ITIH5: variants seen among roughly 807,000 people sequenced by gnomAD.
ITIH5 encodes the protein inter-alpha-trypsin inhibitor heavy chain H5.
Under a neutral mutation model 77.5 loss-of-function variants are expected in ITIH5, and 65 were observed. That is an observed-to-expected ratio of 0.84 (90% CI 0.69 to 1.03). The LOEUF is 1.03. Among genes scored for constraint, ITIH5 ranks in the 50% least tolerant of loss-of-function variants. The probability of loss-of-function intolerance (pLI) is 0.00; values close to 1 mark genes in which losing one functional copy is unlikely to be tolerated. For missense variants in ITIH5, 1,208 were observed against 1,213.1 expected (o/e 1.00, Z 0.06); for synonymous variants, 525 against 494.3 (o/e 1.06, Z -0.82).
rs1452757147 is a variant in ITIH5 at position 7,565,936 on chromosome 10, C to T, written c.2527+94G>A. On this transcript the variant is annotated intron_variant, in intron 13 of 13. Coordinates refer to ENST00000397146, the MANE Select transcript of ITIH5 (RefSeq NM_030569.7). ...TGAAAACCACATTCCTATTGAATTT[C>T]TCAATCAAACGAAAGGTGTTGGCAA... 2.9e-5 allele frequency: 44 copies of T among 1,494,200 alleles called. 1 individual carries two copies. The South Asian group carries it at 4.6e-4, about 16-fold the overall frequency. 92.6% of individuals were successfully genotyped at this position (1,494,200 alleles called of 1,614,324 possible). A position where few individuals can be genotyped will look rare whatever the true frequency, so the allele number is the denominator to read the frequency against.
At chr10:7,611,059 A>T (rs1434192487) in intron 7 of ITIH5, among the ~76,000 whole-genome samples, 6 of 152,248 alleles carry the variant, frequency 3.9e-5, no homozygotes, top group African/African-American at 1.4e-4. Flanking sequence ...TTGACCTTGT[A>T]TCCATTTGCA....
At position 7,586,029 on chromosome 10, in the gene ITIH5, G is replaced by C; in HGVS notation, c.980C>G (p.Pro327Arg). The C allele has an allele frequency of 6.2e-7, 1 of 1,613,904 alleles. No individual in the cohort carries two copies. Among genetic ancestry groups the C allele is most frequent in the South Asian group, 1.1e-5 (1 of 91,038 alleles). Residue 327 changes from proline to arginine, a missense_variant, in exon 8 of 14, where the codon CCC (proline) becomes CGC (arginine). Physicochemically the swap from Pro to Arg is moderately radical, Grantham distance 103. Coordinates refer to ENST00000397146, the MANE Select transcript of ITIH5 (RefSeq NM_030569.7). ...ALFTILHDLR[P>R]QDRFSIIGFS... Reference sequence around the variant, plus strand: ...TCCAATGATACTGAAACGGTCCTGGGGTCGGAGGTCATGGAGAATTGTGAA... The same window carrying C: ...TCCAATGATACTGAAACGGTCCTGGCGTCGGAGGTCATGGAGAATTGTGAA...
rs1047407 is a variant in ITIH5, at chr10:7,562,498, G to C, written c.*585C>G. The C allele has an allele frequency of 0.1, 15,854 of 152,504 alleles. 2,598 individuals are homozygous for C. The highest frequency in any genetic ancestry group is 0.35 in the African/African-American group (14,473 of 41,444). 9.4% of individuals were successfully genotyped at this position (152,504 alleles called of 1,614,324 possible). On this transcript the variant is annotated 3_prime_UTR_variant, in exon 14 of 14. Transcript: ENST00000397146. ...CAAGATACCACAGCAGAAGAAAAACGTCTTGCAAGAAAAGACTTCATGGTT... is the reference window on the plus strand; with the variant it reads ...CAAGATACCACAGCAGAAGAAAAACCTCTTGCAAGAAAAGACTTCATGGTT...
At chr10:7,647,404 C>G (rs1345341190) in intron 2 of ITIH5, among the ~76,000 whole-genome samples, 1 of 152,228 alleles carries the variant, frequency 6.6e-6, no homozygotes, top group South Asian at 2.1e-4. Context: ...GCACTGCCCC[C>G]TCCAGAGCAG....
chr10:7,576,478 G>T lies in ITIH5; in HGVS notation c.1953C>A (p.Ser651Arg). 6.2e-7 allele frequency: 1 copy of T among 1,605,230 alleles called. No homozygotes were observed. Among genetic ancestry groups the T allele is most frequent in the Non-Finnish European group, 8.5e-7 (1 of 1,178,478 alleles). ...AAMGPEPVVQ[S>R]VRGAGTQPGP... ...CTGGCTGCGTGCCAGCTCCTCGCAC[G>T]CTCTGCACCACCGGTTCGGGTCCCA... Residue 651 changes from serine to arginine, a missense_variant, in exon 10 of 14, where the codon AGC (serine) becomes AGA (arginine). Ser to Arg is a moderately radical substitution (Grantham distance 110). Transcript: ENST00000397146.
chr10:7,663,176 C>T (rs1351427362), intron 1 of ITIH5, among the ~76,000 whole-genome samples: 1 of 152,244 alleles, frequency 6.6e-6, no homozygotes, highest in Non-Finnish European at 1.5e-5. Context: ...GGCACACCTA[C>T]ACTCCAATCC....
chr10:7,597,705 A>G (rs1832934538), intron 7 of ITIH5, among the ~76,000 whole-genome samples: 1 of 152,210 alleles, frequency 6.6e-6, no homozygotes, highest in Non-Finnish European at 1.5e-5. Context: ...CAGAGTAGCC[A>G]TGACTTGCCA....
At chr10:7,639,430 G>A (rs1833848425) in intron 4 of ITIH5, among the ~76,000 whole-genome samples, 2 of 152,176 alleles carry the variant, frequency 1.3e-5, no homozygotes. Context: ...TCTGGACCTT[G>A]GTTGCTTTTC....
chr10:7,614,482 A>AT (rs931860103), intron 7 of ITIH5, among the ~76,000 whole-genome samples: 13 of 149,892 alleles, frequency 8.7e-5, no homozygotes, highest in East Asian at 1.9e-4. Context: ...TTTTTGCGTG[A>AT]TTTTTTTTTT....
At chr10:7,577,808 C>T (rs1252368201) in intron 9 of ITIH5, among the ~76,000 whole-genome samples, 1 of 152,132 alleles carries the variant, frequency 6.6e-6, no homozygotes, top group African/African-American at 2.4e-5. Flanking sequence ...CTTGAGTTTC[C>T]TTATCTAGAA....
chr10:7,562,401 G>T lies in ITIH5; in HGVS notation c.*682C>A, dbSNP rs545366475. On this transcript the variant is annotated 3_prime_UTR_variant, in exon 14 of 14. Coordinates refer to ENST00000397146, the MANE Select transcript of ITIH5 (RefSeq NM_030569.7). Reference sequence around the variant, plus strand: ...TGGTTTACAAAGCCCATTAGAAAGAGATCAGTATCTGAGCTGTAGATGTTT... The same window carrying T: ...TGGTTTACAAAGCCCATTAGAAAGATATCAGTATCTGAGCTGTAGATGTTT... The T allele has an allele frequency of 6.6e-6, 1 of 152,438 alleles. No homozygotes were observed. Among genetic ancestry groups the T allele is most frequent in the African/African-American group, 2.4e-5 (1 of 41,574 alleles). The allele number at this position is 152,438 out of a possible 1,614,324, so 9.4% of individuals were successfully genotyped here. A position where few individuals can be genotyped will look rare whatever the true frequency, so the allele number is the denominator to read the frequency against.
In ITIH5 at chr10:7,580,712, G is replaced by A. The variant is rs538646769; in HGVS notation, c.1109-648C>T. Among the ~76,000 whole-genome samples the A allele has an allele frequency of 1.1e-4, 16 of 152,308 alleles. No individual in the cohort carries two copies. The South Asian group carries it at 3.3e-3, about 32-fold the overall frequency. Reference sequence around the variant, plus strand: ...ATGTGGAGGGAGAAAGAGCCGCAGAGGGGAGGAGGGGCATGGAACGAAGAG... The same window carrying A: ...ATGTGGAGGGAGAAAGAGCCGCAGAAGGGAGGAGGGGCATGGAACGAAGAG... On this transcript the variant is annotated intron_variant, in intron 8 of 13. Transcript: ENST00000397146.
At chr10:7,633,752 A>G (rs146256425) in intron 5 of ITIH5, among the ~76,000 whole-genome samples, 6 of 152,292 alleles carry the variant, frequency 3.9e-5, no homozygotes, top group African/African-American at 1.4e-4. Context: ...TATCTAGCAC[A>G]CAGTAGTAAT....
intron 8 of ITIH5, among the ~76,000 whole-genome samples, chr10:7,584,057 A>G (rs1461506374): frequency 6.6e-6 from 1 of 152,174 alleles, no homozygotes; most frequent in Admixed American, 6.5e-5. Context: ...TGTTATCTTC[A>G]TTCTACAGAT....
intron 8 of ITIH5, among the ~76,000 whole-genome samples, chr10:7,584,824 G>A (rs747531891): frequency 1.1e-4 from 16 of 152,146 alleles, no homozygotes; most frequent in African/African-American, 1.9e-4. Flanking sequence ...ACTTCCTGCC[G>A]TAGAGCATCA....
At chr10:7,623,500 A>T (rs1160752038) in intron 5 of ITIH5, among the ~76,000 whole-genome samples, 1 of 152,172 alleles carries the variant, frequency 6.6e-6, no homozygotes, top group East Asian at 1.9e-4. Flanking sequence ...ATGAGAAGGA[A>T]TTTGGTTAAA....
chr10:7,627,539 C>T (rs1833604223), intron 5 of ITIH5, among the ~76,000 whole-genome samples: 1 of 152,104 alleles, frequency 6.6e-6, no homozygotes, highest in Non-Finnish European at 1.5e-5. Flanking sequence ...TTCAGTGGTT[C>T]TCTTCTTTCC....
chr10:7,660,590 C>A (rs553039458), intron 1 of ITIH5, among the ~76,000 whole-genome samples: 6 of 152,278 alleles, frequency 3.9e-5, no homozygotes, highest in African/African-American at 1.4e-4. Flanking sequence ...GAAAAAAAAC[C>A]TGCCAGTGCC....
At chr10:7,565,850 T>G (rs1029959491) in intron 13 of ITIH5, among the ~76,000 whole-genome samples, 180 bp downstream of exon 13, 3 of 150,562 alleles carry the variant, frequency 2.0e-5, no homozygotes, top group African/African-American at 7.3e-5. Flanking sequence ...TGTATATATG[T>G]ATAGACTATA....
Sources: gnomAD v4.1 joint callset for allele counts (sites outside exome capture counted in the v4.1 genomes callset) on GRCh38, gnomAD v4.1.1 for gene constraint, MANE v1.5 for transcripts, NCBI Gene and HGNC (gene_info 2026-07-23, HGNC 2026-07-21) for gene names.